Variants in FOXP1 observed in about 807,000 individuals in gnomAD.
FOXP1 encodes the protein forkhead box P1.
FOXP1 carries 15 observed loss-of-function variants against 98.2 expected under a neutral mutation model. The observed-to-expected ratio is 0.15, with a 90% CI of 0.10 to 0.24. The LOEUF (loss-of-function observed/expected upper bound fraction) is 0.24. FOXP1 is among the 10% of genes least tolerant of loss of function. The probability of loss-of-function intolerance (pLI) is 1.00; values close to 1 mark genes in which losing one functional copy is unlikely to be tolerated. For missense variants in FOXP1, 633 were observed against 848.5 expected (o/e 0.75, Z 3.15); for synonymous variants, 371 against 314.5 (o/e 1.18, Z -1.90).
chr3:70,971,957 GCAAAGC>G, intron 18 of FOXP1: 1 of 1,338,466 alleles, frequency 7.5e-7, no homozygotes, highest in Non-Finnish European at 9.6e-7. Context: ...AGTCAACCAT[GCAAAGC>G]CAAAGCAACA....
intron 3 of FOXP1, among the ~76,000 whole-genome samples, chr3:71,430,744 C>G (rs1263899931): frequency 6.6e-6 from 1 of 152,152 alleles, no homozygotes. Context: ...GAAAGCATCT[C>G]ATTCTGCCAC....
chr3:71,526,724 T>C (rs1401435158), intron 2 of FOXP1, among the ~76,000 whole-genome samples: 1 of 152,076 alleles, frequency 6.6e-6, no homozygotes, highest in Non-Finnish European at 1.5e-5. Context: ...TCCCAGCACT[T>C]TGGGAGGCCG....
At chr3:71,214,733 T>C (rs2108476987) in intron 5 of FOXP1, among the ~76,000 whole-genome samples, 1 of 152,162 alleles carries the variant, frequency 6.6e-6, no homozygotes, top group African/African-American at 2.4e-5. Context: ...GATCACGTTC[T>C]CCCCCAAAAG....
At chr3:70,993,230 G>A (rs146049113) in intron 13 of FOXP1, among the ~76,000 whole-genome samples, 2 of 152,310 alleles carry the variant, frequency 1.3e-5, no homozygotes, top group East Asian at 3.9e-4. Context: ...TCCTGGTGTA[G>A]ATGATTTGGG....
chr3:71,012,737 C>T (rs985457641), intron 12 of FOXP1, among the ~76,000 whole-genome samples: 1 of 152,072 alleles, frequency 6.6e-6, no homozygotes, highest in Non-Finnish European at 1.5e-5. Context: ...AAAGACCACA[C>T]AAAACTGGAG....
intron 2 of FOXP1, among the ~76,000 whole-genome samples, chr3:71,556,548 G>A (rs1336407984): frequency 1.4e-5 from 2 of 144,750 alleles, no homozygotes; most frequent in Non-Finnish European, 3.0e-5. Context: ...CTGCACTCCA[G>A]GCTGGGCGAC....
chr3:71,138,024 C>T (rs1023087278), intron 6 of FOXP1, among the ~76,000 whole-genome samples: 8 of 152,096 alleles, frequency 5.3e-5, no homozygotes, highest in Non-Finnish European at 8.8e-5. Flanking sequence ...GTTCTTGGAA[C>T]TGTGGAGAGC....
At chr3:70,967,137 T>C (rs192151025) in intron 19 of FOXP1, among the ~76,000 whole-genome samples, 3 of 152,348 alleles carry the variant, frequency 2.0e-5, no homozygotes, top group African/African-American at 7.2e-5. Flanking sequence ...TAGATGTACT[T>C]CTTTTCACAA....
chr3:71,543,505 C>T (rs866657596), intron 2 of FOXP1: 8 of 152,632 alleles, frequency 5.2e-5, no homozygotes, highest in Non-Finnish European at 8.8e-5. Context: ...GTAGTTGACA[C>T]CAAGCCCTGG....
intron 3 of FOXP1, among the ~76,000 whole-genome samples, chr3:71,443,111 C>T (rs2086098760): frequency 6.6e-6 from 1 of 152,158 alleles, no homozygotes; most frequent in South Asian, 2.1e-4. Context: ...CCAGACTGGT[C>T]TTGAACTCCT....
At chr3:71,053,578 T>C in intron 8 of FOXP1, 58 bp downstream of exon 8, 4 of 1,609,362 alleles carry the variant, frequency 2.5e-6, no homozygotes, top group Non-Finnish European at 1.7e-6. Context: ...GCGAATGGAG[T>C]GATGGGGGCC....
At chr3:71,171,494 C>T (rs2061651813) in intron 6 of FOXP1, among the ~76,000 whole-genome samples, 1 of 152,192 alleles carries the variant, frequency 6.6e-6, no homozygotes, top group African/African-American at 2.4e-5. Flanking sequence ...TATTCCCGCT[C>T]CCGGCTCTGT....
intron 12 of FOXP1, among the ~76,000 whole-genome samples, chr3:71,007,674 G>T (rs763195718): frequency 4.6e-5 from 7 of 152,054 alleles, no homozygotes; most frequent in Non-Finnish European, 8.8e-5. Flanking sequence ...TTTAGGCAGG[G>T]AACTAAAGTA....
intron 20 of FOXP1, 24 bp from the exon 21 acceptor site, chr3:70,959,415 A>G (rs1180238169): frequency 3.1e-6 from 5 of 1,613,850 alleles, no homozygotes; most frequent in Non-Finnish European, 4.2e-6. Flanking sequence ...GCAGAGGTTC[A>G]GTGAGGGTAC....
intron 6 of FOXP1, among the ~76,000 whole-genome samples, chr3:71,112,928 C>T (rs2058059893): frequency 6.6e-6 from 1 of 152,124 alleles, no homozygotes; most frequent in African/African-American, 2.4e-5. Context: ...GTGATTGAGA[C>T]TCTGAACAAA....
intron 2 of FOXP1, among the ~76,000 whole-genome samples, chr3:71,507,917 G>A (rs1024937332): frequency 6.6e-6 from 1 of 152,192 alleles, no homozygotes; most frequent in African/African-American, 2.4e-5. Context: ...TACTTACTGT[G>A]TGCCAGCTGA....
rs9310205 is a variant in FOXP1, at chr3:70,998,379, T to C, written c.1062+2593A>G. Among the ~76,000 whole-genome samples, 815 of 152,348 alleles carry C rather than the reference T, an allele frequency of 5.3e-3. 9 individuals carry two copies. Among genetic ancestry groups the C allele is most frequent in the African/African-American group, 0.018 (760 of 41,578 alleles). Reference sequence around the variant, plus strand: ...CACGAAATAATGTTCTTCAGATTTTTCCCTCAACCATTTAAAATATAAAAA... The same window carrying C: ...CACGAAATAATGTTCTTCAGATTTTCCCCTCAACCATTTAAAATATAAAAA... On this transcript the variant is annotated intron_variant, in intron 13 of 20. Coordinates refer to ENST00000649528, the MANE Select transcript of FOXP1 (RefSeq NM_001349338.3).
rs2064875286 is a variant in FOXP1, at chr3:71,215,883, C to T, written c.-11-17491G>A. Among the ~76,000 whole-genome samples the T allele has an allele frequency of 2.0e-5, 3 of 152,302 alleles. No homozygotes were observed. The South Asian group carries it at 6.2e-4, about 32-fold the overall frequency. ...CCCTGTTCAAAGCAGTCTTTGATTA[C>T]CATTTTAAAGCCTCGAAATCTAAAG... is the stretch of plus-strand genomic sequence containing the variant. On this transcript the variant is annotated intron_variant, in intron 5 of 20. Coordinates refer to ENST00000649528, the MANE Select transcript of FOXP1 (RefSeq NM_001349338.3).
chr3:71,453,650 A>G (rs759427815), intron 3 of FOXP1, among the ~76,000 whole-genome samples: 2 of 152,166 alleles, frequency 1.3e-5, no homozygotes, highest in Non-Finnish European at 2.9e-5. Context: ...GAGATTATCA[A>G]TATCATTTTT....
Sources: allele counts gnomAD v4.1 joint callset (sites outside exome capture counted in the v4.1 genomes callset), GRCh38; gene constraint gnomAD v4.1.1; transcripts MANE v1.5; gene names NCBI Gene and HGNC (gene_info 2026-07-23, HGNC 2026-07-21).